Variants in ENTREP2 observed in about 807,000 individuals in gnomAD.
ENTREP2 encodes the protein endosomal transmembrane epsin interactor 2.
At chr15:29,330,290 A>G in the ENTREP2 span, among the ~76,000 whole-genome samples, 1 of 151,862 alleles carries the variant, frequency 6.6e-6, no homozygotes, top group East Asian at 1.9e-4. Context: ...TACAAAAAAA[A>G]AAAAAAAATT....
chr15:29,612,398 T>C, the ENTREP2 span, among the ~76,000 whole-genome samples: 211 of 152,182 alleles, frequency 1.4e-3, no homozygotes, highest in African/African-American at 4.9e-3. Flanking sequence ...GAATTTCTTG[T>C]TGCAACATCC....
chr15:29,535,256 A>C, the ENTREP2 span, among the ~76,000 whole-genome samples: 4 of 152,158 alleles, frequency 2.6e-5, no homozygotes, highest in Admixed American at 2.6e-4. Context: ...ATCTCTAAAA[A>C]AATAATAATA....
the ENTREP2 span, among the ~76,000 whole-genome samples, chr15:29,201,337 G>A: frequency 6.6e-6 from 1 of 152,140 alleles, no homozygotes; most frequent in Non-Finnish European, 1.5e-5. Flanking sequence ...TGGTACGAAT[G>A]AGCATGCTTG....
At chr15:29,399,684 A>G in the ENTREP2 span, among the ~76,000 whole-genome samples, 2 of 152,234 alleles carry the variant, frequency 1.3e-5, no homozygotes, top group Non-Finnish European at 2.9e-5. Context: ...TTAACTGGTA[A>G]TAGTCTGCTG....
chr15:29,511,339 C>CTTTTTTTTTTTTTTTTT, the ENTREP2 span, among the ~76,000 whole-genome samples: 1 of 93,466 alleles, frequency 1.1e-5, no homozygotes, highest in African/African-American at 4.5e-5. Flanking sequence ...CTTCTTTTTT[C>CTTTTTTTTTTTTTTTTT]TTTTCTTTTT....
the ENTREP2 span, among the ~76,000 whole-genome samples, chr15:29,245,043 G>A: frequency 6.6e-6 from 1 of 152,168 alleles, no homozygotes. Context: ...ATACTGGAAA[G>A]CAGAAGAAAA....
chr15:29,139,689 G>A, the ENTREP2 span, among the ~76,000 whole-genome samples: 1 of 152,164 alleles, frequency 6.6e-6, no homozygotes, highest in Non-Finnish European at 1.5e-5. Context: ...AAGGTCAAAG[G>A]ACGCGGCTGC....
At chr15:29,269,922 G>T in the ENTREP2 span, 5 of 497,114 alleles carry the variant, frequency 1.0e-5, no homozygotes, top group South Asian at 1.0e-4. Context: ...TTTCCGTGCA[G>T]CCCTGCAGGT....
chr15:29,376,140 A>C, the ENTREP2 span: 1 of 152,186 alleles, frequency 6.6e-6, no homozygotes, highest in African/African-American at 2.4e-5. Context: ...TGGTAAAAAT[A>C]AATTCTAAAA....
At chr15:29,430,303 T>C in the ENTREP2 span, among the ~76,000 whole-genome samples, 2 of 152,118 alleles carry the variant, frequency 1.3e-5, no homozygotes, top group Non-Finnish European at 1.5e-5. Context: ...CTGGCCCCTC[T>C]CGATGGCCTT....
chr15:29,305,676 AG>A, the ENTREP2 span, among the ~76,000 whole-genome samples: 1 of 152,184 alleles, frequency 6.6e-6, no homozygotes, highest in Non-Finnish European at 1.5e-5. Flanking sequence ...GACAGAACAG[AG>A]GGGAGAAGAA....
chr15:29,484,778 T>C, the ENTREP2 span, among the ~76,000 whole-genome samples: 1 of 152,202 alleles, frequency 6.6e-6, no homozygotes, highest in African/African-American at 2.4e-5. Context: ...AATTCTTTAC[T>C]GAATGAAATA....
chr15:29,495,040 A>T, the ENTREP2 span, among the ~76,000 whole-genome samples: 1 of 152,136 alleles, frequency 6.6e-6, no homozygotes, highest in Non-Finnish European at 1.5e-5. Context: ...CACTGATTTC[A>T]ATTACTTTGG....
the ENTREP2 span, among the ~76,000 whole-genome samples, chr15:29,346,430 T>C: frequency 6.6e-6 from 1 of 152,126 alleles, no homozygotes; most frequent in South Asian, 2.1e-4. Context: ...CCGCAGGGCC[T>C]GGGATCTCAG....
the ENTREP2 span, among the ~76,000 whole-genome samples, chr15:29,556,194 C>T: frequency 6.6e-6 from 1 of 152,162 alleles, no homozygotes; most frequent in Admixed American, 6.5e-5. Flanking sequence ...GAGGTTGAGG[C>T]TGCAGTGAGC....
At chr15:29,231,890 C>CTTTTTTTTTTT in the ENTREP2 span, among the ~76,000 whole-genome samples, 2 of 136,838 alleles carry the variant, frequency 1.5e-5, no homozygotes, top group African/African-American at 5.4e-5. Flanking sequence ...CTTTTCTTTT[C>CTTTTTTTTTTT]TTTCTTTTTT....
chr15:29,662,978 G>A, the ENTREP2 span, among the ~76,000 whole-genome samples: 2 of 151,872 alleles, frequency 1.3e-5, no homozygotes, highest in Non-Finnish European at 2.9e-5. Context: ...CTCCCAAAGT[G>A]CTGGGATTGC....
the ENTREP2 span, among the ~76,000 whole-genome samples, chr15:29,658,786 A>T: frequency 4.6e-5 from 7 of 151,580 alleles, no homozygotes; most frequent in African/African-American, 1.7e-4. Context: ...AAAGGACTAT[A>T]AAAAAAACTT....
chr15:29,517,343 G>A, the ENTREP2 span, among the ~76,000 whole-genome samples: 1 of 152,138 alleles, frequency 6.6e-6, no homozygotes, highest in African/African-American at 2.4e-5. Flanking sequence ...TATCTTAGAC[G>A]TAACAGAGGG....
Sources: allele counts gnomAD v4.1 joint callset (sites outside exome capture counted in the v4.1 genomes callset), GRCh38; gene constraint gnomAD v4.1.1; transcripts MANE v1.5; gene names NCBI Gene and HGNC (gene_info 2026-07-23, HGNC 2026-07-21).